The following PTPRN2 variants were observed in gnomAD, a reference collection of about 807,000 sequenced individuals.
The protein encoded by PTPRN2 is protein tyrosine phosphatase receptor type N2.
A neutral mutation model predicts 118.8 loss-of-function variants in PTPRN2; 74 were observed. The observed-to-expected ratio is 0.62, with a 90% CI of 0.52 to 0.76. The LOEUF (loss-of-function observed/expected upper bound fraction) is 0.76. PTPRN2 is among the 30% of genes least tolerant of loss of function. The pLI is 0.00. For synonymous variants in PTPRN2, 641 were observed against 608.0 expected (o/e 1.05, Z -0.80); for missense variants, 1,481 against 1,394.4 (o/e 1.06, Z -0.99).
chr7:157,776,482 C>T (rs866102386), intron 12 of PTPRN2, among the ~76,000 whole-genome samples: 265 of 142,398 alleles, frequency 1.9e-3, no homozygotes, highest in African/African-American at 7.2e-3. Context: ...TCCCTCTCCT[C>T]CTCCCTCTCC....
At position 158,500,723 on chromosome 7, in the gene PTPRN2, C is replaced by G. The variant is rs1427973252; in HGVS notation, c.113-10938G>C. ...GGGCGCAGCAAACCAGACAACAGAA[C>G]TGAAGTTGAAAGACGTGACCAGGGC... On this transcript the variant is annotated intron_variant, in intron 1 of 22. Transcript: ENST00000389418. Among the ~76,000 whole-genome samples the G allele has an allele frequency of 3.3e-5, 5 of 152,400 alleles. No homozygotes were observed. In the East Asian group the frequency reaches 9.6e-4, roughly 29 times the overall value.
chr7:157,765,769 C>T (rs1802425965), intron 12 of PTPRN2, among the ~76,000 whole-genome samples: 1 of 150,246 alleles, frequency 6.7e-6, no homozygotes, highest in African/African-American at 2.5e-5. Context: ...TCCACCCAAA[C>T]TCCCACTCAT....
At chr7:158,053,394 C>G (rs898264467) in intron 11 of PTPRN2, among the ~76,000 whole-genome samples, 5 of 152,182 alleles carry the variant, frequency 3.3e-5, no homozygotes, top group Admixed American at 1.3e-4. Flanking sequence ...GCACAGCGAA[C>G]TCCGATGTGG....
intron 2 of PTPRN2, among the ~76,000 whole-genome samples, chr7:158,448,858 G>A (rs886790357): frequency 9.2e-5 from 14 of 152,248 alleles, no homozygotes; most frequent in East Asian, 3.9e-4. Flanking sequence ...GAGCAACGGC[G>A]TTGGGTGGTT....
rs994777734 is a variant in PTPRN2, at chr7:157,861,141, C to T, written c.1788+37532G>A. 1.3e-5 allele frequency among the ~76,000 whole-genome samples: 2 copies of T among 152,220 alleles called. No individual in the cohort carries two copies. The highest frequency in any genetic ancestry group is 6.5e-5 in the Admixed American group (1 of 15,280). On this transcript the variant is annotated intron_variant, in intron 12 of 22. Transcript: ENST00000389418. The surrounding 1 kb of genome is among the most constrained non-coding windows in gnomAD (Gnocchi z 5.8). ...GCGCTTTGGGATGTCGGCAGAGGCACGCATGCCTCCAGGGATGTGCCAGCT... is the reference window on the plus strand; with the variant it reads ...GCGCTTTGGGATGTCGGCAGAGGCATGCATGCCTCCAGGGATGTGCCAGCT...
chr7:157,629,056 A>G lies in PTPRN2; in HGVS notation c.2197-7547T>C, dbSNP rs537493207. Among the ~76,000 whole-genome samples the G allele has an allele frequency of 6.6e-6, 1 of 152,196 alleles. No homozygotes were observed. Among genetic ancestry groups the G allele is most frequent in the Non-Finnish European group, 1.5e-5 (1 of 68,040 alleles). Reference sequence around the variant, plus strand: ...TGTGCATCTGATGCAGGACCCGCTCACACGAAACATGCTCGCCTTCCTGTT... The same window carrying G: ...TGTGCATCTGATGCAGGACCCGCTCGCACGAAACATGCTCGCCTTCCTGTT... On this transcript the variant is annotated intron_variant, in intron 14 of 22. Transcript: ENST00000389418. The surrounding 1 kb of genome is among the most constrained non-coding windows in gnomAD (Gnocchi z 4.4).
intron 4 of PTPRN2, among the ~76,000 whole-genome samples, chr7:158,199,784 G>C (rs1826488562): frequency 6.7e-6 from 1 of 148,838 alleles, no homozygotes; most frequent in Non-Finnish European, 1.5e-5. Flanking sequence ...GCTGGCCCAG[G>C]GTCCATCTGG....
chr7:158,587,060 G>T lies in PTPRN2; in HGVS notation c.112+498C>A, dbSNP rs547329284. Among the ~76,000 whole-genome samples the T allele has an allele frequency of 7.3e-3, 1,110 of 152,082 alleles. 10 individuals carry two copies. The highest frequency in any genetic ancestry group is 0.025 in the African/African-American group (1,052 of 41,492). On this transcript the variant is annotated intron_variant, in intron 1 of 22. Transcript: ENST00000389418. ...GGGGCTTGAGACCCAGAGCCTGGGG[G>T]TGTCGCGCTGGAACCCCGAGACCCC...
At chr7:158,259,145 G>C (rs1458827376) in intron 3 of PTPRN2, among the ~76,000 whole-genome samples, 2 of 152,222 alleles carry the variant, frequency 1.3e-5, no homozygotes, top group African/African-American at 4.8e-5. Flanking sequence ...TTTCCAAATG[G>C]AGTGACAAGG....
At chr7:158,411,852 C>A (rs895264075) in intron 2 of PTPRN2, among the ~76,000 whole-genome samples, 1 of 152,144 alleles carries the variant, frequency 6.6e-6, no homozygotes, top group Non-Finnish European at 1.5e-5. Context: ...GGACAATAGG[C>A]CCATCTCGTT....
chr7:158,329,357 T>C (rs1803936709), intron 2 of PTPRN2, among the ~76,000 whole-genome samples: 1 of 152,144 alleles, frequency 6.6e-6, no homozygotes, highest in South Asian at 2.1e-4. Context: ...TAAGGATGCC[T>C]TAAACCCCCA....
chr7:158,280,403 C>T (rs963532784), intron 3 of PTPRN2, among the ~76,000 whole-genome samples: 6 of 152,172 alleles, frequency 3.9e-5, no homozygotes, highest in Non-Finnish European at 5.9e-5. Context: ...GGAGGGACAG[C>T]GACGAGGGCA....
At chr7:158,387,577 A>ACTCTCTGGGT (rs1586542379) in intron 2 of PTPRN2, among the ~76,000 whole-genome samples, 3 of 151,162 alleles carry the variant, frequency 2.0e-5, no homozygotes, top group South Asian at 2.1e-4. Flanking sequence ...CTGTCAGCTC[A>ACTCTCTGGGT]GCTTGGCCCG....
chr7:157,810,224 T>C (rs1805904266), intron 12 of PTPRN2, among the ~76,000 whole-genome samples: 1 of 152,214 alleles, frequency 6.6e-6, no homozygotes, highest in African/African-American at 2.4e-5. Flanking sequence ...CTGCGGACAG[T>C]GAGCACAGAA....
At position 157,980,266 on chromosome 7, in the gene PTPRN2, G is replaced by C. The variant is rs552665245; in HGVS notation, c.1724-81529C>G. Among the ~76,000 whole-genome samples, 8 of 152,338 alleles carry C rather than the reference G, an allele frequency of 5.3e-5. No homozygotes were observed. In the South Asian group the frequency reaches 1.7e-3, roughly 32 times the overall value. On this transcript the variant is annotated intron_variant, in intron 11 of 22. Coordinates refer to ENST00000389418, the MANE Select transcript of PTPRN2 (RefSeq NM_002847.5). ...AGGCTGCACACCAGAGGGTAATTCA[G>C]TATCTCTGCATCTGAGTAAGAAAGT...
chr7:158,149,744 C>T (rs111776267), intron 6 of PTPRN2, among the ~76,000 whole-genome samples: 6 of 149,770 alleles, frequency 4.0e-5, no homozygotes, highest in Admixed American at 2.0e-4. Context: ...ACGGAGGTTG[C>T]GGTGAGCTGA....
intron 12 of PTPRN2, among the ~76,000 whole-genome samples, chr7:157,816,333 A>T (rs1349998173): frequency 6.6e-6 from 1 of 152,108 alleles, no homozygotes; most frequent in Non-Finnish European, 1.5e-5. Flanking sequence ...TGAATGAGTG[A>T]TGGGTTCCAC....
intron 1 of PTPRN2, among the ~76,000 whole-genome samples, chr7:158,573,245 G>A (rs1828144451): frequency 6.6e-6 from 1 of 152,170 alleles, no homozygotes. Context: ...AAGATGTTCA[G>A]AGAAATGGAG....
At chr7:157,568,860 C>G (rs1799618450) in intron 21 of PTPRN2, 42 bp downstream of exon 21, 1 of 1,523,858 alleles carries the variant, frequency 6.6e-7, no homozygotes, top group Non-Finnish European at 9.1e-7. Flanking sequence ...CGACGCCATC[C>G]CAGCTCTGAG....
Sources: gnomAD v4.1 joint callset for allele counts (sites outside exome capture counted in the v4.1 genomes callset) on GRCh38, gnomAD v4.1.1 for gene constraint, Gnocchi (gnomAD v3.1) non-coding constraint, MANE v1.5 for transcripts, NCBI Gene and HGNC (gene_info 2026-07-23, HGNC 2026-07-21) for gene names.